CAST: variants seen among roughly 807,000 people sequenced by gnomAD.
CAST encodes calpastatin, also known as MIR583 host.
In CAST, 76 loss-of-function variants were observed where a neutral mutation model predicts 119.6. The observed-to-expected ratio is 0.64, with a 90% CI of 0.53 to 0.77. The LOEUF is 0.77. Ranked by LOEUF, CAST falls within the 30% of genes least tolerant of loss-of-function variation. The pLI is 0.00. For missense variants in CAST, 953 were observed against 946.5 expected, an observed-to-expected ratio of 1.01 and a Z score of -0.09; for synonymous variants, 319 against 331.6, an observed-to-expected ratio of 0.96 and a Z score of 0.41.
chr5:96,017,846 C>T, the CAST span, among the ~76,000 whole-genome samples: 14 of 152,150 alleles, frequency 9.2e-5, no homozygotes, highest in East Asian at 2.5e-3. Context: ...CCACAAAATA[C>T]GAAATGTGTC....
chr5:96,671,102 G>T (rs1353283058), intron 1 of CAST, among the ~76,000 whole-genome samples: 1 of 152,188 alleles, frequency 6.6e-6, no homozygotes, highest in Non-Finnish European at 1.5e-5. Flanking sequence ...AAACAGTTTG[G>T]AAAATTATTC....
chr5:96,597,014 G>A (rs116279098), intron 1 of CAST, among the ~76,000 whole-genome samples: 19 of 152,136 alleles, frequency 1.2e-4, no homozygotes, highest in Admixed American at 3.9e-4. Flanking sequence ...TTATTACCTC[G>A]TTAAAGGCTC....
At chr5:96,400,324 TTAC>T in the CAST span, 5 of 693,748 alleles carry the variant, frequency 7.2e-6, no homozygotes, top group Middle Eastern at 7.4e-4. Context: ...CTAGTGTCTA[TTAC>T]TGTTCATATA....
the CAST span, among the ~76,000 whole-genome samples, chr5:96,069,374 TG>T: frequency 1.8e-5 from 2 of 111,848 alleles, no homozygotes; most frequent in African/African-American, 6.6e-5. Context: ...TGTGTGTGTG[TG>T]TGTGTGTCTA....
chr5:96,642,708 A>C (rs1747967083), intron 1 of CAST, among the ~76,000 whole-genome samples: 1 of 151,796 alleles, frequency 6.6e-6, no homozygotes, highest in South Asian at 2.1e-4. Flanking sequence ...CGCCCAGCTA[A>C]TTTTTGTATT....
the CAST span, among the ~76,000 whole-genome samples, chr5:96,208,827 T>G: frequency 6.6e-6 from 1 of 152,026 alleles, no homozygotes; most frequent in Non-Finnish European, 1.5e-5. Context: ...TCTGTAGATA[T>G]CTGTTAGGTC....
intron 3 of CAST, among the ~76,000 whole-genome samples, chr5:96,700,272 A>C (rs1349773252): frequency 2.0e-5 from 3 of 152,252 alleles, no homozygotes; most frequent in Non-Finnish European, 2.9e-5. Context: ...AAACTAGCAC[A>C]TCAACTCCTA....
the CAST span, among the ~76,000 whole-genome samples, chr5:96,182,136 G>A: frequency 6.6e-6 from 1 of 152,172 alleles, no homozygotes; most frequent in Admixed American, 6.5e-5. Context: ...TACTTTATAA[G>A]TTTCTGTCTC....
At chr5:96,465,386 CCTTTT>C in the CAST span, among the ~76,000 whole-genome samples, 1 of 151,972 alleles carries the variant, frequency 6.6e-6, no homozygotes, top group African/African-American at 2.4e-5. Flanking sequence ...TATTCTTACA[CCTTTT>C]CTTTTCTTGC....
At chr5:96,757,335 A>T in intron 22 of CAST, 109 bp from the exon 23 acceptor site, 1 of 978,848 alleles carries the variant, frequency 1.0e-6, no homozygotes, top group Non-Finnish European at 1.6e-6. Context: ...CTAATTTAAA[A>T]TGTACAACAG....
chr5:96,747,419 CT>C, intron 18 of CAST, 27 bp downstream of exon 18: 1 of 1,435,340 alleles, frequency 7.0e-7, no homozygotes, highest in Non-Finnish European at 9.8e-7. Context: ...TTTTCTGATA[CT>C]TAAAGAACAA....
chr5:96,380,212 G>T, the CAST span, among the ~76,000 whole-genome samples: 1 of 151,980 alleles, frequency 6.6e-6, no homozygotes, highest in African/African-American at 2.4e-5. Context: ...AGCTATTGGT[G>T]GTGCCTTAGT....
intron 1 of CAST, among the ~76,000 whole-genome samples, chr5:96,656,053 A>G (rs1396946900): frequency 6.6e-6 from 1 of 152,248 alleles, no homozygotes; most frequent in East Asian, 1.9e-4. Flanking sequence ...AGATGAATAA[A>G]ACATAGTTCA....
At chr5:96,662,855 A>G in intron 1 of CAST, 1 of 558,872 alleles carries the variant, frequency 1.8e-6, no homozygotes, top group Non-Finnish European at 3.1e-6. Context: ...AGCGGGATGT[A>G]GTCTTCCGCG....
the CAST span, among the ~76,000 whole-genome samples, chr5:96,334,550 T>A: frequency 6.6e-6 from 1 of 152,248 alleles, no homozygotes; most frequent in Admixed American, 6.5e-5. Context: ...TTTCTGCCAC[T>A]GGCCCCTTTC....
At chr5:96,582,520 A>C (rs141053098) in intron 1 of CAST, among the ~76,000 whole-genome samples, 3 of 152,322 alleles carry the variant, frequency 2.0e-5, no homozygotes, top group South Asian at 2.1e-4. Flanking sequence ...CTGTGTGTCT[A>C]AGATCGATGG....
At chr5:96,502,621 TTTCTTTCTTTCTTTC>T in the CAST span, among the ~76,000 whole-genome samples, 45 of 59,474 alleles carry the variant, frequency 7.6e-4, no homozygotes, top group South Asian at 0.023. Context: ...CTAGTCTTTC[TTTCTTTCTTTCTTTC>T]TTTCTTTCTT....
chr5:96,486,565 T>C, the CAST span, among the ~76,000 whole-genome samples: 6 of 152,168 alleles, frequency 3.9e-5, no homozygotes, highest in East Asian at 1.9e-4. Flanking sequence ...AGTTATCTCA[T>C]GGGGGACTGC....
the CAST span, among the ~76,000 whole-genome samples, chr5:96,052,244 G>T: frequency 6.6e-6 from 1 of 152,170 alleles, no homozygotes. Context: ...TGACCATCAC[G>T]TGGGCCCCTT....
Sources: gnomAD v4.1 joint callset for allele counts (sites outside exome capture counted in the v4.1 genomes callset) on GRCh38, gnomAD v4.1.1 for gene constraint, MANE v1.5 for transcripts, NCBI Gene and HGNC (gene_info 2026-07-23, HGNC 2026-07-21) for gene names.